CCSER1: variants seen among roughly 807,000 people sequenced by gnomAD.
The protein encoded by CCSER1 is coiled-coil serine rich protein 1.
CCSER1 carries 41 observed loss-of-function variants against 82.0 expected under a neutral mutation model. The observed-to-expected ratio is 0.50, with a 90% CI of 0.39 to 0.65. The LOEUF is 0.65. Among genes scored for constraint, CCSER1 ranks in the 30% least tolerant of loss-of-function variants. The pLI, the probability that CCSER1 is intolerant of heterozygous loss-of-function variation, is 0.00. For missense variants in CCSER1, 1,119 were observed against 1,064.2 expected, an observed-to-expected ratio of 1.05 and a Z score of -0.72; for synonymous variants, 414 against 383.9, an observed-to-expected ratio of 1.08 and a Z score of -0.92.
intron 1 of CCSER1, among the ~76,000 whole-genome samples, chr4:90,183,264 C>T (rs1434290153): frequency 6.6e-6 from 1 of 152,118 alleles, no homozygotes; most frequent in Non-Finnish European, 1.5e-5. Flanking sequence ...TCCTATCACC[C>T]TATGACCTCC....
At chr4:91,411,856 T>TA (rs35429800) in intron 10 of CCSER1, among the ~76,000 whole-genome samples, 104 of 148,662 alleles carry the variant, frequency 7.0e-4, no homozygotes, top group Admixed American at 2.1e-3. Context: ...TGTTACACAG[T>TA]AAAAAAAAAA....
chr4:90,944,154 C>T (rs1464639390), intron 9 of CCSER1, among the ~76,000 whole-genome samples: 2 of 151,444 alleles, frequency 1.3e-5, no homozygotes, highest in Non-Finnish European at 2.9e-5. Flanking sequence ...ATTGCTTGAA[C>T]CCCGGAAGCG....
rs138129085 is a variant in CCSER1, at chr4:91,372,601, A to G, written c.2218-225971A>G. Among the ~76,000 whole-genome samples, 1,052 of 152,202 alleles carry G rather than the reference A, an allele frequency of 6.9e-3. 7 individuals are homozygous for G. Among genetic ancestry groups the G allele is most frequent in the African/African-American group, 0.024 (990 of 41,514 alleles). On this transcript the variant is annotated intron_variant, in intron 10 of 10. Transcript: ENST00000509176. ...TTTGAATTCTCTAAATAGATATGCTATGGTATAAACAGAATAAAGTAATCA... is the reference window on the plus strand; with the variant it reads ...TTTGAATTCTCTAAATAGATATGCTGTGGTATAAACAGAATAAAGTAATCA...
intron 10 of CCSER1, among the ~76,000 whole-genome samples, chr4:91,227,084 G>C (rs776427375): frequency 5.3e-5 from 8 of 151,812 alleles, no homozygotes; most frequent in Non-Finnish European, 1.0e-4. Flanking sequence ...TTACCCAATA[G>C]TTTATCTTTG....
At chr4:90,965,979 A>T (rs1220585778) in intron 9 of CCSER1, among the ~76,000 whole-genome samples, 1 of 152,128 alleles carries the variant, frequency 6.6e-6, no homozygotes, top group East Asian at 1.9e-4. Flanking sequence ...AAATGAAAGT[A>T]CCTTCATGGA....
chr4:90,375,976 A>T (rs7656195), intron 3 of CCSER1, among the ~76,000 whole-genome samples: 2 of 152,038 alleles, frequency 1.3e-5, no homozygotes, highest in East Asian at 3.9e-4. Context: ...TGGGGAGGAA[A>T]AACAGTTGTA....
At chr4:90,256,644 T>C (rs1723337277) in intron 1 of CCSER1, among the ~76,000 whole-genome samples, 1 of 152,128 alleles carries the variant, frequency 6.6e-6, no homozygotes. Context: ...ATCAGAAAGA[T>C]TCATTATAAG....
chr4:91,481,466 A>G (rs1221419909), intron 10 of CCSER1, among the ~76,000 whole-genome samples: 4 of 152,020 alleles, frequency 2.6e-5, no homozygotes, highest in Non-Finnish European at 5.9e-5. Context: ...GACCTACCCT[A>G]ATGGCCTGTT....
At chr4:90,690,357 A>G (rs1440638207) in intron 6 of CCSER1, among the ~76,000 whole-genome samples, 1 of 152,024 alleles carries the variant, frequency 6.6e-6, no homozygotes, top group African/African-American at 2.4e-5. Flanking sequence ...TTAAAAGTGT[A>G]TGTCTGGTTT....
At chr4:90,607,106 T>C (rs1784826909) in intron 5 of CCSER1, among the ~76,000 whole-genome samples, 2 of 152,204 alleles carry the variant, frequency 1.3e-5, no homozygotes, top group South Asian at 2.1e-4. Context: ...GTTTTAGTTA[T>C]GTATTTAGTT....
rs1018323100 is a variant in CCSER1 at position 91,124,774 on chromosome 4, G to T, written c.2217+38780G>T. On this transcript the variant is annotated intron_variant, in intron 10 of 10. Transcript: ENST00000509176. ...AAGGATGAATGAATAAATCAACAAAGATTTTTATGGTTGTTTTATTAAGTC... is the reference window on the plus strand; with the variant it reads ...AAGGATGAATGAATAAATCAACAAATATTTTTATGGTTGTTTTATTAAGTC... Among the ~76,000 whole-genome samples, 5 of 151,768 alleles carry T rather than the reference G, an allele frequency of 3.3e-5. No homozygotes were observed. In the East Asian group the frequency reaches 7.7e-4, roughly 23 times the overall value.
At chr4:91,112,215 C>T (rs146120477) in intron 10 of CCSER1, among the ~76,000 whole-genome samples, 8 of 152,154 alleles carry the variant, frequency 5.3e-5, no homozygotes, top group South Asian at 2.1e-4. Flanking sequence ...AGGACAAGTC[C>T]AGTTTTTATT....
At chr4:90,999,938 A>T (rs1737855784) in intron 9 of CCSER1, among the ~76,000 whole-genome samples, 1 of 146,526 alleles carries the variant, frequency 6.8e-6, no homozygotes. Context: ...TTAAATCTTT[A>T]ATCCACCTTG....
intron 10 of CCSER1, among the ~76,000 whole-genome samples, chr4:91,443,296 A>T (rs774294831): frequency 3.3e-5 from 5 of 152,158 alleles, no homozygotes; most frequent in Non-Finnish European, 5.9e-5. Flanking sequence ...TGCAGCCATA[A>T]AAAATGATGA....
At chr4:90,937,721 C>T (rs113111200) in intron 9 of CCSER1, among the ~76,000 whole-genome samples, 1,687 of 152,184 alleles carry the variant, frequency 0.011, 18 homozygotes, top group African/African-American at 0.038. Context: ...TCTTTTTAAC[C>T]ATTTCATCTG....
rs1389227357 is a variant in CCSER1 at position 90,610,300 on chromosome 4, T to TAAATAAAA, written c.1725-17722_1725-17721insTAAAAAAA. On this transcript the variant is annotated intron_variant, in intron 5 of 10. Coordinates refer to ENST00000509176, the MANE Select transcript of CCSER1 (RefSeq NM_001145065.2). ...ATAAATAAATAAATAAATAAATAAA[T>TAAATAAAA]AAAATGTGATTTCAGTAAGCTGTAA... Among the ~76,000 whole-genome samples, 70 of 130,216 alleles carry TAAATAAAA rather than the reference T, an allele frequency of 5.4e-4. 1 individual carries two copies. Among genetic ancestry groups the TAAATAAAA allele is most frequent in the African/African-American group, 2.0e-3 (69 of 34,300 alleles). The allele number at this position is 130,216 out of a possible 152,430, so 85.4% of individuals were successfully genotyped here. A position where few individuals can be genotyped will look rare whatever the true frequency, so the allele number is the denominator to read the frequency against.
intron 5 of CCSER1, among the ~76,000 whole-genome samples, chr4:90,608,559 C>T (rs112840001): frequency 0.017 from 2,524 of 152,212 alleles, 68 homozygotes; most frequent in African/African-American, 0.058. Flanking sequence ...GGAGTGGAAT[C>T]TTAGAGGCCC....
chr4:90,442,528 G>T (rs781369853), intron 4 of CCSER1, among the ~76,000 whole-genome samples: 77 of 152,138 alleles, frequency 5.1e-4, no homozygotes, highest in Non-Finnish European at 7.6e-4. Flanking sequence ...GAGTATCTGG[G>T]ATCAAATGGT....
intron 10 of CCSER1, among the ~76,000 whole-genome samples, chr4:91,209,037 G>A (rs1319357321): frequency 1.3e-5 from 2 of 151,896 alleles, no homozygotes; most frequent in African/African-American, 4.8e-5. Context: ...GTATAGGAAT[G>A]CTACTAATTT....
Sources: gnomAD v4.1 joint callset for allele counts (sites outside exome capture counted in the v4.1 genomes callset) on GRCh38, gnomAD v4.1.1 for gene constraint, MANE v1.5 for transcripts, NCBI Gene and HGNC (gene_info 2026-07-23, HGNC 2026-07-21) for gene names.